ADARB2: variants seen among roughly 807,000 people sequenced by gnomAD.
ADARB2 encodes the protein inactive double-stranded RNA-specific editase B2.
A neutral mutation model predicts 62.2 loss-of-function variants in ADARB2; 25 were observed. The ratio of observed to expected loss-of-function variants is 0.40; its 90% confidence interval spans 0.29 to 0.56. The LOEUF is 0.56. Ranked by LOEUF, ADARB2 falls within the 20% of genes least tolerant of loss-of-function variation. The pLI is 0.43. For synonymous variants in ADARB2, 572 were observed against 500.8 expected, an observed-to-expected ratio of 1.14 and a Z score of -1.90; for missense variants, 1,071 against 1,077.4, an observed-to-expected ratio of 0.99 and a Z score of 0.08.
At chr10:1,490,274 G>A (rs1316506813) in intron 1 of ADARB2, among the ~76,000 whole-genome samples, 1 of 152,064 alleles carries the variant, frequency 6.6e-6, no homozygotes, top group Non-Finnish European at 1.5e-5. Flanking sequence ...ATAATAGCAG[G>A]CAATAGTATA....
In ADARB2 at chr10:1,185,173, A is replaced by C. The variant is rs115933210; in HGVS notation, c.1865-134T>G. The C allele has an allele frequency of 3.8e-3, 4,568 of 1,192,116 alleles. 156 individuals carry two copies. The African/African-American group carries it at 0.062, about 16-fold the overall frequency. 73.8% of individuals were successfully genotyped at this position (1,192,116 alleles called of 1,614,324 possible). On this transcript the variant is annotated intron_variant, in intron 8 of 9. Transcript: ENST00000381312. ...TCCCTTTTCATCCTCAGGACTGGCC[A>C]GTTCACGTGTCACCCGCAGGGCGGA...
chr10:1,281,156 G>T (rs1256847477), intron 3 of ADARB2, among the ~76,000 whole-genome samples: 1 of 152,202 alleles, frequency 6.6e-6, no homozygotes, highest in African/African-American at 2.4e-5. Context: ...TGACATGTGT[G>T]GTGGATCCAT....
intron 8 of ADARB2, among the ~76,000 whole-genome samples, chr10:1,189,615 A>G (rs918280536): frequency 6.6e-6 from 1 of 152,076 alleles, no homozygotes; most frequent in African/African-American, 2.4e-5. Context: ...TCGAGTCCCA[A>G]GGACAGAGGG....
chr10:1,273,514 C>T (rs1202343205), intron 3 of ADARB2, among the ~76,000 whole-genome samples: 7 of 152,184 alleles, frequency 4.6e-5, no homozygotes, highest in African/African-American at 9.7e-5. Context: ...CGGGAGCCTT[C>T]GTGATGGTCC....
intron 1 of ADARB2, among the ~76,000 whole-genome samples, chr10:1,582,863 G>C (rs894346809): frequency 6.6e-6 from 1 of 152,136 alleles, no homozygotes; most frequent in African/African-American, 2.4e-5. Context: ...CATAATCATG[G>C]TGCCTCTGCT....
intron 1 of ADARB2, among the ~76,000 whole-genome samples, chr10:1,464,291 GACAGTCACAGCA>G (rs1831218657): frequency 1.5e-5 from 2 of 133,336 alleles, no homozygotes; most frequent in African/African-American, 5.6e-5. Flanking sequence ...ACGCGCTGGG[GACAGTCACAGCA>G]GGCAGCGCGC....
At chr10:1,210,070 T>C (rs909033741) in intron 7 of ADARB2, among the ~76,000 whole-genome samples, 2 of 152,226 alleles carry the variant, frequency 1.3e-5, no homozygotes, top group African/African-American at 2.4e-5. Flanking sequence ...ATGGGTATTA[T>C]TGGTCCTAAA....
rs550998775 is a variant in ADARB2, at chr10:1,178,698, C to T, written c.*4495G>A. ...GGGTGCTACTGCCTCTCCTGCAACA[C>T]AGGGCTTCTAAATTTCCACCTCCAA... On this transcript the variant is annotated 3_prime_UTR_variant, in exon 10 of 10. Transcript: ENST00000381312. 7 of 152,326 alleles carry T rather than the reference C, an allele frequency of 4.6e-5. No homozygotes were observed. The highest frequency in any genetic ancestry group is 4.6e-4 in the Admixed American group (7 of 15,298). The allele number at this position is 152,326 out of a possible 1,614,324, so 9.4% of individuals were successfully genotyped here.
chr10:1,459,293 G>T (rs1437171721), intron 1 of ADARB2, among the ~76,000 whole-genome samples: 4 of 152,230 alleles, frequency 2.6e-5, no homozygotes, highest in African/African-American at 9.6e-5. Context: ...ATCAACGACA[G>T]ACTGGATACG....
chr10:1,377,612 G>T (rs1483309389), intron 2 of ADARB2, among the ~76,000 whole-genome samples: 1 of 151,974 alleles, frequency 6.6e-6, no homozygotes, highest in Non-Finnish European at 1.5e-5. Flanking sequence ...ATCAATAAAT[G>T]GACTCATCTG....
chr10:1,705,782 G>A (rs989106496), intron 1 of ADARB2, among the ~76,000 whole-genome samples: 3 of 152,260 alleles, frequency 2.0e-5, no homozygotes, highest in Non-Finnish European at 2.9e-5. Flanking sequence ...GCTGCCGTCC[G>A]CCTCTGTGGA....
chr10:1,420,726 C>T (rs1420454904), intron 1 of ADARB2, among the ~76,000 whole-genome samples: 1 of 152,030 alleles, frequency 6.6e-6, no homozygotes, highest in Non-Finnish European at 1.5e-5. Flanking sequence ...AGAACACAGG[C>T]TCTGCACCCA....
At chr10:1,267,202 G>A (rs1831213438) in intron 4 of ADARB2, among the ~76,000 whole-genome samples, 1 of 151,134 alleles carries the variant, frequency 6.6e-6, no homozygotes, top group Non-Finnish European at 1.5e-5. Context: ...CAGAGAAAAT[G>A]TGAGGCAGGT....
intron 1 of ADARB2, among the ~76,000 whole-genome samples, chr10:1,508,666 CTACTCAGGAGGCTGAGGTGGGAGAA>C (rs1831882994): frequency 6.6e-6 from 1 of 152,200 alleles, no homozygotes; most frequent in African/African-American, 2.4e-5. Context: ...GTATTTCCAG[CTACTCAGGAGGCTGAGGTGGGAGAA>C]TCGCTTGAAT....
At chr10:1,710,076 C>G (rs1211533200) in intron 1 of ADARB2, among the ~76,000 whole-genome samples, 2 of 152,190 alleles carry the variant, frequency 1.3e-5, no homozygotes, top group Admixed American at 6.5e-5. Context: ...CCTAAACTTC[C>G]ACGCCTCAAA....
At chr10:1,462,089 G>A (rs182026171) in intron 1 of ADARB2, among the ~76,000 whole-genome samples, 104 of 152,232 alleles carry the variant, frequency 6.8e-4, no homozygotes, top group African/African-American at 2.5e-3. Context: ...AAATGCTCAC[G>A]GTGTGTGTTC....
intron 4 of ADARB2, among the ~76,000 whole-genome samples, chr10:1,262,274 C>G (rs1184885055): frequency 9.7e-6 from 1 of 103,014 alleles, no homozygotes; most frequent in African/African-American, 3.8e-5. Flanking sequence ...CACATGTACC[C>G]TAAAACTTAA....
chr10:1,423,083 G>A (rs1392265960), intron 1 of ADARB2, among the ~76,000 whole-genome samples: 1 of 152,156 alleles, frequency 6.6e-6, no homozygotes, highest in Non-Finnish European at 1.5e-5. Context: ...CACTGAAGGG[G>A]ACCCTTGGCC....
At chr10:1,328,200 T>G (rs1589194005) in intron 3 of ADARB2, among the ~76,000 whole-genome samples, 1 of 151,978 alleles carries the variant, frequency 6.6e-6, no homozygotes, top group East Asian at 1.9e-4. Flanking sequence ...ACCCATGACG[T>G]GGAGATGAGC....
Sources: gnomAD v4.1 joint callset for allele counts (sites outside exome capture counted in the v4.1 genomes callset) on GRCh38, gnomAD v4.1.1 for gene constraint, MANE v1.5 for transcripts, NCBI Gene and HGNC (gene_info 2026-07-23, HGNC 2026-07-21) for gene names.